BOLL: variants seen among roughly 807,000 people sequenced by gnomAD.
BOLL encodes boule RNA binding protein, also known as protein boule-like.
BOLL carries 23 observed loss-of-function variants against 44.4 expected under a neutral mutation model. The observed-to-expected ratio is 0.52, with a 90% CI of 0.37 to 0.73. BOLL has a LOEUF of 0.73. BOLL is among the 30% of genes least tolerant of loss of function. The pLI is 0.00. For missense variants in BOLL, 287 were observed against 338.3 expected, an observed-to-expected ratio of 0.85 and a Z score of 1.19; for synonymous variants, 97 against 110.8, an observed-to-expected ratio of 0.88 and a Z score of 0.78.
At chr2:197,731,547 T>A in intron 10 of BOLL, among the ~76,000 whole-genome samples, 1 of 86,900 alleles carries the variant, frequency 1.2e-5, no homozygotes, top group Non-Finnish European at 2.2e-5. Flanking sequence ...ATTCCAAAAT[T>A]GACCACATAG....
intron 10 of BOLL, among the ~76,000 whole-genome samples, chr2:197,737,544 A>G (rs1687550759): frequency 6.6e-6 from 1 of 152,060 alleles, no homozygotes; most frequent in Non-Finnish European, 1.5e-5. Context: ...CCCTCCTTAT[A>G]TATTCAGAGC....
intron 9 of BOLL, among the ~76,000 whole-genome samples, chr2:197,750,027 A>G (rs1445473539): frequency 6.6e-6 from 1 of 152,196 alleles, no homozygotes; most frequent in Non-Finnish European, 1.5e-5. Context: ...TCAACCCAGA[A>G]TTTCATATCC....
At chr2:197,775,979 T>C (rs1408983743) in intron 4 of BOLL, among the ~76,000 whole-genome samples, 2 of 151,946 alleles carry the variant, frequency 1.3e-5, no homozygotes, top group Non-Finnish European at 2.9e-5. Flanking sequence ...TCTGTATTTG[T>C]GAATTTGCCT....
At chr2:197,785,541 C>T (rs926936207), upstream of BOLL, among the ~76,000 whole-genome samples, 8 of 152,182 alleles carry the variant, frequency 5.3e-5, no homozygotes, top group African/African-American at 1.7e-4. The surrounding 1 kb of genome is among the most constrained non-coding windows in gnomAD (Gnocchi z 6.7). Flanking sequence ...TTCCGGTCCT[C>T]GCTGACCAGT....
chr2:197,771,115 T>C (rs1469203438), intron 6 of BOLL, among the ~76,000 whole-genome samples: 1 of 151,768 alleles, frequency 6.6e-6, no homozygotes, highest in Non-Finnish European at 1.5e-5. Flanking sequence ...CCATCAATGA[T>C]AGAGTGGATT....
intron 9 of BOLL, among the ~76,000 whole-genome samples, chr2:197,750,006 G>A (rs1199899567): frequency 6.6e-6 from 1 of 152,082 alleles, no homozygotes; most frequent in East Asian, 1.9e-4. Context: ...CATTCTTAAA[G>A]AAAAGAATTT....
intron 10 of BOLL, among the ~76,000 whole-genome samples, chr2:197,741,859 A>G (rs965271148): frequency 1.1e-4 from 16 of 152,326 alleles, no homozygotes; most frequent in African/African-American, 3.6e-4. Context: ...AGAAACTACC[A>G]TCAGAGTGAA....
intron 10 of BOLL, among the ~76,000 whole-genome samples, chr2:197,729,104 G>T (rs1000585474): frequency 6.6e-6 from 1 of 152,206 alleles, no homozygotes; most frequent in Non-Finnish European, 1.5e-5. Flanking sequence ...GTGGGCGCAG[G>T]TCAGTGGGTG....
At chr2:197,745,723 T>C (rs1687958621) in intron 9 of BOLL, among the ~76,000 whole-genome samples, 1 of 152,204 alleles carries the variant, frequency 6.6e-6, no homozygotes, top group South Asian at 2.1e-4. Context: ...CAATGTAGAA[T>C]GTCTGCCAAG....
chr2:197,775,411 A>AT (rs1367222517), intron 5 of BOLL, among the ~76,000 whole-genome samples: 6 of 151,628 alleles, frequency 4.0e-5, no homozygotes, highest in Admixed American at 2.0e-4. Context: ...ATCACGAAAG[A>AT]TTTTTTTTCC....
chr2:197,742,938 C>T (rs997783542), intron 10 of BOLL, 123 bp downstream of exon 10: 4 of 545,162 alleles, frequency 7.3e-6, no homozygotes, highest in Middle Eastern at 3.0e-4. Flanking sequence ...TTTGCTAATT[C>T]TGTACTTCTG....
intron 9 of BOLL, among the ~76,000 whole-genome samples, chr2:197,755,069 C>T (rs11885211): frequency 6.6e-6 from 1 of 152,090 alleles, no homozygotes; most frequent in Non-Finnish European, 1.5e-5. Context: ...CAAAGAACCT[C>T]GTTAAAAAGT....
At chr2:197,765,744 G>A (rs1054045703) in intron 7 of BOLL, among the ~76,000 whole-genome samples, 16 of 151,874 alleles carry the variant, frequency 1.1e-4, no homozygotes, top group Non-Finnish European at 2.4e-4. Flanking sequence ...TACATGTGAA[G>A]GTTTGTTACA....
At chr2:197,741,062 T>C (rs1257720502) in intron 10 of BOLL, among the ~76,000 whole-genome samples, 2 of 152,138 alleles carry the variant, frequency 1.3e-5, no homozygotes, top group Non-Finnish European at 2.9e-5. Context: ...ATCTATAAAT[T>C]ACCTTGGGCA....
At chr2:197,771,592 TGAATAGGAAA>T (rs965051382) in intron 6 of BOLL, among the ~76,000 whole-genome samples, 1 of 152,036 alleles carries the variant, frequency 6.6e-6, no homozygotes, top group African/African-American at 2.4e-5. Context: ...ATATATAAAA[TGAATAGGAAA>T]GATATTCTGC....
chr2:197,741,707 C>T (rs571951212), intron 10 of BOLL, among the ~76,000 whole-genome samples: 12 of 152,094 alleles, frequency 7.9e-5, no homozygotes, highest in African/African-American at 2.9e-4. Flanking sequence ...ACCATAAAAA[C>T]CCTAGAAGAA....
intron 7 of BOLL, among the ~76,000 whole-genome samples, chr2:197,758,115 A>T (rs996467144): frequency 6.6e-6 from 1 of 152,220 alleles, no homozygotes; most frequent in Non-Finnish European, 1.5e-5. Flanking sequence ...AGGTTAAACA[A>T]AGTTACCGTA....
At chr2:197,762,205 G>C (rs1343692636) in intron 7 of BOLL, among the ~76,000 whole-genome samples, 2 of 152,084 alleles carry the variant, frequency 1.3e-5, no homozygotes, top group Non-Finnish European at 2.9e-5. Flanking sequence ...TTGGCCAGGC[G>C]TGGTGGCATG....
In BOLL at chr2:197,771,925, G is replaced by A; in HGVS notation, c.410C>T (p.Pro137Leu). 6.3e-7 allele frequency: 1 copy of A among 1,597,682 alleles called. No homozygotes were observed. The highest frequency in any genetic ancestry group is 1.1e-5 in the South Asian group (1 of 88,630). ...TMYLTTSTGY[P>L]YTYHNGVAYF... is the part of the protein sequence containing the mutation. ...AGCAACACCATTATGGTAAGTATAA[G>A]GATATCCAGTTGAAGTTGTTAGATA... The change falls in exon 6 of 11, where the codon CCT becomes CTT. Residue 137 changes from proline (P) to leucine (L), a missense_variant. Coordinates refer to ENST00000392296, the MANE Select transcript of BOLL (RefSeq NM_033030.6).
Sources: allele counts gnomAD v4.1 joint callset (sites outside exome capture counted in the v4.1 genomes callset), GRCh38; gene constraint gnomAD v4.1.1; non-coding constraint Gnocchi (gnomAD v3.1); transcripts MANE v1.5; gene names NCBI Gene and HGNC (gene_info 2026-07-23, HGNC 2026-07-21).